Variants in CUL1 observed in about 807,000 individuals in gnomAD.
The protein encoded by CUL1 is cullin-1.
A neutral mutation model predicts 118.0 loss-of-function variants in CUL1; 24 were observed. The observed-to-expected ratio is 0.20, with a 90% confidence interval of 0.15 to 0.29. CUL1 has a LOEUF of 0.29. Ranked by LOEUF, CUL1 falls within the 10% of genes least tolerant of loss-of-function variation. The pLI, the probability that CUL1 is intolerant of heterozygous loss-of-function variation, is 1.00. For synonymous variants in CUL1, 332 were observed against 340.4 expected (o/e 0.98, Z 0.27); for missense variants, 361 against 933.8 (o/e 0.39, Z 7.99).
intron 9 of CUL1, among the ~76,000 whole-genome samples, chr7:148,775,248 A>G (rs1800358385): frequency 6.6e-6 from 1 of 152,194 alleles, no homozygotes; most frequent in South Asian, 2.1e-4. Flanking sequence ...CATTCTCTGG[A>G]TGGTAAGAAA....
chr7:148,719,765 A>G (rs768893860), intron 1 of CUL1, among the ~76,000 whole-genome samples: 2 of 152,256 alleles, frequency 1.3e-5, no homozygotes, highest in African/African-American at 2.4e-5. Context: ...TCCCTGAACT[A>G]TTCGTTGGCA....
chr7:148,753,878 A>G (rs755308439), intron 2 of CUL1, 98 bp from the exon 3 acceptor site: 2 of 874,062 alleles, frequency 2.3e-6, no homozygotes, highest in Non-Finnish European at 3.4e-6. Context: ...TGGTTGATAT[A>G]TTGGGAATGC....
At chr7:148,736,958 G>A (rs189252662) in intron 2 of CUL1, among the ~76,000 whole-genome samples, 3 of 152,312 alleles carry the variant, frequency 2.0e-5, no homozygotes, top group East Asian at 1.9e-4. Flanking sequence ...TTCTATATGA[G>A]TTTTTAAAAA....
chr7:148,752,092 CAA>C lies in CUL1; in HGVS notation c.141-1883_141-1882del, dbSNP rs555704316. 1.5e-3 allele frequency among the ~76,000 whole-genome samples: 230 copies of C among 152,136 alleles called. 3 individuals are homozygous for C. Among genetic ancestry groups the C allele is most frequent in the African/African-American group, 5.0e-3 (209 of 41,506 alleles). On this transcript the variant is annotated intron_variant, in intron 2 of 21. Transcript: ENST00000325222. ...CGCCATTGCACTCCAGTCTGGGCAA[CAA>C]GAGTGAAACTCCATCTCAAAAAAAA...
At chr7:148,786,923 A>C in intron 12 of CUL1, 66 bp from the exon 13 acceptor site, 8 of 1,562,574 alleles carry the variant, frequency 5.1e-6, no homozygotes, top group Non-Finnish European at 6.9e-6. Context: ...GGCCGGTGAC[A>C]GTCAGCTCTG....
At chr7:148,699,470 C>T (rs1219082412) in intron 1 of CUL1, among the ~76,000 whole-genome samples, 2 of 152,148 alleles carry the variant, frequency 1.3e-5, no homozygotes, top group African/African-American at 4.8e-5. Context: ...ACGCCGGGAC[C>T]CGTGCCCTTG....
At chr7:148,750,847 T>C (rs571601249) in intron 2 of CUL1, among the ~76,000 whole-genome samples, 90 of 152,276 alleles carry the variant, frequency 5.9e-4, no homozygotes, top group Non-Finnish European at 1.1e-3. Context: ...GACCCGTGCC[T>C]GTATTTTCAG....
chr7:148,751,714 G>A (rs1799498208), intron 2 of CUL1, among the ~76,000 whole-genome samples: 1 of 152,034 alleles, frequency 6.6e-6, no homozygotes, highest in Non-Finnish European at 1.5e-5. Context: ...AGTTGATGAA[G>A]TATTGTAAAT....
At chr7:148,710,799 GATTAA>G (rs1798027627) in intron 1 of CUL1, among the ~76,000 whole-genome samples, 2 of 151,828 alleles carry the variant, frequency 1.3e-5, no homozygotes, top group Admixed American at 1.3e-4. Flanking sequence ...AAGTAGCTAG[GATTAA>G]AGGCGCCCAC....
intron 1 of CUL1, among the ~76,000 whole-genome samples, chr7:148,705,503 G>A (rs192559352): frequency 8.5e-5 from 13 of 152,302 alleles, no homozygotes; most frequent in African/African-American, 1.2e-4. Context: ...GCACAGAAAC[G>A]TGTCACCTAA....
intron 2 of CUL1, among the ~76,000 whole-genome samples, chr7:148,742,598 GTTTTT>G (rs59592789): frequency 1.8e-5 from 2 of 112,172 alleles, no homozygotes; most frequent in East Asian, 2.6e-4. Flanking sequence ...ACCTTTTCTG[GTTTTT>G]TTTTTTTTTT....
At position 148,800,136 on chromosome 7, in the gene CUL1, C is replaced by T. The variant is rs1801337026; in HGVS notation, c.2251-366C>T. 6.6e-6 allele frequency among the ~76,000 whole-genome samples: 1 copy of T among 152,214 alleles called. No homozygotes were observed. Among genetic ancestry groups the T allele is most frequent in the African/African-American group, 2.4e-5 (1 of 41,442 alleles). Reference sequence around the variant, plus strand: ...TCATGGCTGTTCAGGGAGTTCCCCACAGTCCCCTGTTCCCTGTTCATGGCC... The same window carrying T: ...TCATGGCTGTTCAGGGAGTTCCCCATAGTCCCCTGTTCCCTGTTCATGGCC... On this transcript the variant is annotated intron_variant, in intron 21 of 21. Coordinates refer to ENST00000325222, the MANE Select transcript of CUL1 (RefSeq NM_003592.3). This position sits in a 1 kb window ranked among gnomAD's most constrained non-coding sequence, Gnocchi z 4.6.
intron 9 of CUL1, among the ~76,000 whole-genome samples, chr7:148,768,920 C>A (rs1488672336): frequency 2.0e-5 from 3 of 152,038 alleles, no homozygotes; most frequent in Non-Finnish European, 2.9e-5. Flanking sequence ...ATAAAGCTTT[C>A]CTTTAGGTTT....
chr7:148,699,376 G>A (rs1379316013), intron 1 of CUL1, among the ~76,000 whole-genome samples: 1 of 152,096 alleles, frequency 6.6e-6, no homozygotes, highest in East Asian at 1.9e-4. Flanking sequence ...CCGCGACCGG[G>A]CTGGGTTCTC....
At chr7:148,735,262 C>T (rs1798900932) in intron 2 of CUL1, among the ~76,000 whole-genome samples, 1 of 152,248 alleles carries the variant, frequency 6.6e-6, no homozygotes, top group Admixed American at 6.5e-5. Context: ...CCGAGTCAAT[C>T]TGCTGAGCCC....
At chr7:148,725,219 GCT>G (rs1491461188) in intron 1 of CUL1, among the ~76,000 whole-genome samples, 4 of 140,060 alleles carry the variant, frequency 2.9e-5, no homozygotes, top group African/African-American at 5.7e-5. Flanking sequence ...ACACGCGCGC[GCT>G]CACACACACA....
At chr7:148,749,376 A>G (rs1799408781) in intron 2 of CUL1, among the ~76,000 whole-genome samples, 1 of 137,950 alleles carries the variant, frequency 7.2e-6, no homozygotes. Context: ...AGATTGTGCC[A>G]CAGCTCTCCA....
intron 2 of CUL1, among the ~76,000 whole-genome samples, chr7:148,738,101 A>G (rs1799018849): frequency 6.6e-6 from 1 of 152,198 alleles, no homozygotes; most frequent in African/African-American, 2.4e-5. Context: ...GAGTTTGGCA[A>G]TAACTAAAAG....
At chr7:148,783,301 G>T in intron 9 of CUL1, 7 of 984,120 alleles carry the variant, frequency 7.1e-6, no homozygotes, top group Non-Finnish European at 8.4e-6. Context: ...ACGCGGATCC[G>T]CGCCTCTGGT....
Sources: gnomAD v4.1 joint callset for allele counts (sites outside exome capture counted in the v4.1 genomes callset) on GRCh38, gnomAD v4.1.1 for gene constraint, Gnocchi (gnomAD v3.1) non-coding constraint, MANE v1.5 for transcripts, NCBI Gene and HGNC (gene_info 2026-07-23, HGNC 2026-07-21) for gene names.